ZEB2: variants seen among roughly 807,000 people sequenced by gnomAD.
ZEB2 encodes zinc finger E-box binding homeobox 2.
Under a neutral mutation model 99.9 loss-of-function variants are expected in ZEB2, and 6 were observed. That is an observed-to-expected ratio of 0.06 (90% CI 0.03 to 0.12). The LOEUF is 0.12. ZEB2 is among the 10% of genes least tolerant of loss of function. The pLI, the probability that ZEB2 is intolerant of heterozygous loss-of-function variation, is 1.00. For missense variants in ZEB2, 969 were observed against 1,502.8 expected (o/e 0.64, Z 5.87); for synonymous variants, 517 against 542.5 (o/e 0.95, Z 0.65).
In ZEB2 at chr2:144,434,739, C is replaced by T. The variant is rs144198567; in HGVS notation, c.74-4713G>A. The stretch of plus-strand genomic sequence containing the variant: ...CTTAATTTGAGTTATAGAAGCCTAC[C>T]AATTTGATCAATTACCAGAATCTAA... On this transcript the variant is annotated intron_variant, in intron 2 of 9. Coordinates refer to ENST00000627532, the MANE Select transcript of ZEB2 (RefSeq NM_014795.4). Among the ~76,000 whole-genome samples, 110 of 152,244 alleles carry T rather than the reference C, an allele frequency of 7.2e-4. 1 individual carries two copies. In the Middle Eastern group the frequency reaches 0.014, roughly 19 times the overall value.
At chr2:144,497,814 A>G (rs1198509330) in intron 2 of ZEB2, 1 of 141,676 alleles carries the variant, frequency 7.1e-6, no homozygotes, top group East Asian at 2.1e-4. Context: ...GTATAAAAAG[A>G]CACTGTCATT....
rs1705168754 is a variant in ZEB2, at chr2:144,517,221, C to T, written c.73+57G>A. On this transcript the variant is annotated intron_variant, in intron 2 of 9. Coordinates refer to ENST00000627532, the MANE Select transcript of ZEB2 (RefSeq NM_014795.4). Reference sequence around the variant, plus strand: ...TCCTTTTCCCTTTCCCCCTCCTTCTCCCTGGGTCTCGAGCCGCGTAGTGGC... The same window carrying T: ...TCCTTTTCCCTTTCCCCCTCCTTCTTCCTGGGTCTCGAGCCGCGTAGTGGC... 8 of 1,607,444 alleles carry T rather than the reference C, an allele frequency of 5.0e-6. No homozygotes were observed. The South Asian group carries it at 6.6e-5, about 13-fold the overall frequency.
intron 2 of ZEB2, among the ~76,000 whole-genome samples, chr2:144,507,188 T>C (rs1704962299): frequency 6.6e-6 from 1 of 152,224 alleles, no homozygotes; most frequent in African/African-American, 2.4e-5. Context: ...GAATTAGACC[T>C]CTTCTAGTTT....
chr2:144,511,251 A>G (rs1705033145), intron 2 of ZEB2: 1 of 344,836 alleles, frequency 2.9e-6, no homozygotes, highest in Admixed American at 5.1e-5. Flanking sequence ...ATATATGCAT[A>G]ATATGTAGGA....
At chr2:144,408,345 C>T (rs1433578238) in intron 4 of ZEB2, among the ~76,000 whole-genome samples, 4 of 152,172 alleles carry the variant, frequency 2.6e-5, no homozygotes, top group Non-Finnish European at 5.9e-5. Context: ...GAGCTAGGAA[C>T]TTAGACCTAA....
intron 2 of ZEB2, among the ~76,000 whole-genome samples, chr2:144,460,643 C>A (rs552902025): frequency 1.3e-5 from 2 of 151,930 alleles, no homozygotes; most frequent in Non-Finnish European, 2.9e-5. Flanking sequence ...GAAAAAGAAA[C>A]CTTTCTCCAT....
At chr2:144,420,797 T>C (rs1703609456) in intron 4 of ZEB2, among the ~76,000 whole-genome samples, 1 of 151,754 alleles carries the variant, frequency 6.6e-6, no homozygotes, top group Non-Finnish European at 1.5e-5. Context: ...GATTCAGAGG[T>C]TGGTATAAAT....
intron 2 of ZEB2, among the ~76,000 whole-genome samples, chr2:144,500,741 C>G (rs79327298): frequency 6.6e-6 from 1 of 152,150 alleles, no homozygotes. Context: ...TTACTCTGTA[C>G]TAGGCCTGGG....
At position 144,399,565 on chromosome 2, in the gene ZEB2, T is replaced by C; in HGVS notation, c.1622A>G (p.Gln541Arg). 3.7e-6 allele frequency: 6 copies of C among 1,614,198 alleles called. No individual in the cohort carries two copies. Among genetic ancestry groups the C allele is most frequent in the Non-Finnish European group, 5.1e-6 (6 of 1,180,020 alleles). The part of the protein sequence containing the change: ...EKVNEAKACL[Q>R]SLTTDSRRQI... ...TCTCCTTGAGTCAGTAGTCAAGCTC[T>C]GGAGGCAAGCTTTGGCTTCATTGAC... is the stretch of plus-strand genomic sequence containing the variant. The change falls in exon 8 of 10, where the codon CAG becomes CGG. Residue 541 changes from glutamine to arginine, a missense_variant. Gln to Arg is a conservative substitution (Grantham distance 43, BLOSUM62 1). Coordinates refer to ENST00000627532, the MANE Select transcript of ZEB2 (RefSeq NM_014795.4). The surrounding 1 kb of genome is among the most constrained non-coding windows in gnomAD (Gnocchi z 5.6).
In ZEB2 at chr2:144,387,202, T is replaced by G. The variant is rs952584966; in HGVS notation, c.*2249A>C. ...CCAACTGGAAATATCATACTCAAAA[T>G]TTTAGCAAATTTAATAGCAAAATGA... On this transcript the variant is annotated 3_prime_UTR_variant, in exon 10 of 10. Transcript: ENST00000627532. The G allele has an allele frequency of 6.6e-6, 1 of 152,022 alleles. No homozygotes were observed. The highest frequency in any genetic ancestry group is 1.5e-5 in the Non-Finnish European group (1 of 67,994). The allele number at this position is 152,022 out of a possible 1,614,324, so 9.4% of individuals were successfully genotyped here. A position where few individuals can be genotyped will look rare whatever the true frequency, so the allele number is the denominator to read the frequency against.
rs780729047 is a variant in ZEB2, at chr2:144,517,316, C to T, written c.35G>A (p.Cys12Tyr). The change falls in exon 2 of 10, where the codon TGC (cysteine) becomes TAC (tyrosine). Residue 12 changes from cysteine (C) to tyrosine (Y), a missense_variant. Coordinates refer to ENST00000627532, the MANE Select transcript of ZEB2 (RefSeq NM_014795.4). Reference protein sequence around the residue: ...KQPIMADGPRCKRRKQANPRR... With the variant: ...KQPIMADGPRYKRRKQANPRR... ...GGGATTGGCTTGTTTGCGCCTCTTG[C>T]ACCGGGGGCCATCCGCCATGATCGG... 6.2e-7 allele frequency: 1 copy of T among 1,613,562 alleles called. No homozygotes were observed. The highest frequency in any genetic ancestry group is 8.5e-7 in the Non-Finnish European group (1 of 1,179,864).
intron 2 of ZEB2, chr2:144,511,474 T>TAA (rs1705037658): frequency 7.8e-7 from 1 of 1,274,560 alleles, no homozygotes; most frequent in Non-Finnish European, 1.0e-6. Context: ...TCACACAAGA[T>TAA]AAAAGTATTT....
At chr2:144,512,254 C>T in intron 2 of ZEB2, 2 of 1,287,180 alleles carry the variant, frequency 1.6e-6, no homozygotes, top group Non-Finnish European at 2.0e-6. Context: ...AGGAAAAGGA[C>T]AAAGAATTTC....
At chr2:144,445,159 G>C (rs1703966209) in intron 2 of ZEB2, 1 of 152,088 alleles carries the variant, frequency 6.6e-6, no homozygotes, top group South Asian at 2.1e-4. Context: ...TGGCAAGATG[G>C]AGAAGACCCC....
At chr2:144,438,991 G>A (rs1703872053) in intron 2 of ZEB2, among the ~76,000 whole-genome samples, 1 of 152,084 alleles carries the variant, frequency 6.6e-6, no homozygotes, top group Admixed American at 6.5e-5. Context: ...ACAAAAGGAA[G>A]GGAGTCAGTG....
intron 2 of ZEB2, among the ~76,000 whole-genome samples, chr2:144,442,927 T>A (rs1424565640): frequency 6.6e-6 from 1 of 152,158 alleles, no homozygotes; most frequent in Non-Finnish European, 1.5e-5. Context: ...AAAATTCTCA[T>A]GTGCTGTCCC....
chr2:144,412,334 C>T (rs1703476479), intron 4 of ZEB2, among the ~76,000 whole-genome samples: 1 of 152,174 alleles, frequency 6.6e-6, no homozygotes, highest in Non-Finnish European at 1.5e-5. Context: ...ACTGTGTAAC[C>T]TAAAAATTTG....
intron 4 of ZEB2, 62 bp from the exon 5 acceptor site, chr2:144,405,086 A>C: frequency 6.5e-7 from 1 of 1,534,286 alleles, no homozygotes; most frequent in East Asian, 2.3e-5. Flanking sequence ...TCCCAAGTCC[A>C]TCTCCATCAT....
chr2:144,416,545 C>T (rs1703542520), intron 4 of ZEB2, among the ~76,000 whole-genome samples: 1 of 152,170 alleles, frequency 6.6e-6, no homozygotes, highest in South Asian at 2.1e-4. Context: ...AGAGTGCAAC[C>T]CATACAGTGT....
Sources: gnomAD v4.1 joint callset for allele counts (sites outside exome capture counted in the v4.1 genomes callset) on GRCh38, gnomAD v4.1.1 for gene constraint, Gnocchi (gnomAD v3.1) non-coding constraint, MANE v1.5 for transcripts, NCBI Gene and HGNC (gene_info 2026-07-23, HGNC 2026-07-21) for gene names.